Variants in ITPK1 observed in about 807,000 individuals in gnomAD.
ITPK1 encodes inositol 1,3,4-trisphosphate 5/6-kinase.
Under a neutral mutation model 45.3 loss-of-function variants are expected in ITPK1, and 21 were observed. The ratio of observed to expected loss-of-function variants is 0.46; its 90% confidence interval spans 0.33 to 0.67. ITPK1 has a LOEUF of 0.67. ITPK1 is among the 30% of genes least tolerant of loss of function. The probability of loss-of-function intolerance (pLI) is 0.02; values close to 1 mark genes in which losing one functional copy is unlikely to be tolerated. For synonymous variants in ITPK1, 258 were observed against 253.6 expected (o/e 1.02, Z -0.16); for missense variants, 474 against 573.5 (o/e 0.83, Z 1.77).
intron 5 of ITPK1, among the ~76,000 whole-genome samples, chr14:92,985,402 G>T (rs1437458604): frequency 6.6e-6 from 1 of 151,792 alleles, no homozygotes; most frequent in Admixed American, 6.6e-5. Flanking sequence ...CTGTGCAAAG[G>T]GTATATGGGA....
intron 2 of ITPK1, among the ~76,000 whole-genome samples, chr14:93,092,606 G>C (rs985539746): frequency 6.6e-6 from 1 of 152,228 alleles, no homozygotes; most frequent in Non-Finnish European, 1.5e-5. Context: ...CCCACCCAGA[G>C]GACATCTGGA....
intron 3 of ITPK1, among the ~76,000 whole-genome samples, chr14:93,067,190 G>A (rs751161266): frequency 7.2e-5 from 11 of 151,878 alleles, no homozygotes; most frequent in Non-Finnish European, 5.9e-5. Context: ...TTGCTTTTAC[G>A]TAAAATGCTT....
chr14:93,046,019 G>A (rs749538672), intron 3 of ITPK1, among the ~76,000 whole-genome samples: 20 of 152,132 alleles, frequency 1.3e-4, no homozygotes, highest in Non-Finnish European at 2.4e-4. Context: ...TCTGTGAGCC[G>A]GGCCTCAAGC....
chr14:92,955,749 A>G (rs1376601335), intron 8 of ITPK1, among the ~76,000 whole-genome samples: 2 of 152,242 alleles, frequency 1.3e-5, no homozygotes, highest in Admixed American at 1.3e-4. Flanking sequence ...TCTCTATCCC[A>G]GGTCCAGAAA....
At chr14:92,981,644 A>C (rs962302748) in intron 5 of ITPK1, among the ~76,000 whole-genome samples, 1 of 151,970 alleles carries the variant, frequency 6.6e-6, no homozygotes, top group Non-Finnish European at 1.5e-5. Context: ...TCCTTTGCAT[A>C]CTTATTGAGC....
Position 92,946,482 on chromosome 14 carries a change from G to C in ITPK1, c.750C>G (p.Ile250Met). Residue 250 changes from isoleucine (I) to methionine (M), a missense_variant, in exon 10 of 11, where the codon ATC becomes ATG. Coordinates refer to ENST00000267615, the MANE Select transcript of ITPK1 (RefSeq NM_014216.6). ...SSSVLTELDK[I>M]EGVFERPSDE... is the part of the protein sequence containing the mutation. ...CGCTCGGCCGCTCGAACACGCCCTC[G>C]ATCTTGTCCAGCTGCCAACATACAC... The C allele has an allele frequency of 6.2e-7, 1 of 1,612,588 alleles. No homozygotes were observed. The highest frequency in any genetic ancestry group is 1.1e-5 in the South Asian group (1 of 91,062).
intron 5 of ITPK1, among the ~76,000 whole-genome samples, chr14:92,970,561 A>G (rs1413235778): frequency 6.6e-6 from 1 of 152,116 alleles, no homozygotes; most frequent in Non-Finnish European, 1.5e-5. Context: ...AAACTGGGGC[A>G]AGAGGGGCCC....
intron 3 of ITPK1, among the ~76,000 whole-genome samples, chr14:93,017,970 G>A (rs1888269934): frequency 6.6e-6 from 1 of 152,168 alleles, no homozygotes; most frequent in Non-Finnish European, 1.5e-5. Flanking sequence ...GCAGGAAGGC[G>A]GTGAAGTGGG....
chr14:92,966,660 GT>G (rs1450128782), intron 5 of ITPK1, among the ~76,000 whole-genome samples: 1 of 152,190 alleles, frequency 6.6e-6, no homozygotes, highest in African/African-American at 2.4e-5. Flanking sequence ...GAAAAACAAA[GT>G]TGGAGGACTC....
At chr14:93,039,730 A>C (rs956914171) in intron 3 of ITPK1, among the ~76,000 whole-genome samples, 15 of 152,250 alleles carry the variant, frequency 9.9e-5, no homozygotes, top group Non-Finnish European at 7.3e-5. Flanking sequence ...CACACCCTGC[A>C]GCAGGCCAGC....
intron 2 of ITPK1, among the ~76,000 whole-genome samples, chr14:93,092,640 G>C (rs1448680687): frequency 6.6e-6 from 1 of 152,252 alleles, no homozygotes; most frequent in Non-Finnish European, 1.5e-5. Flanking sequence ...ATTCTTGGAA[G>C]ACGAGAGTAG....
At chr14:92,962,488 G>A in intron 6 of ITPK1, 93 bp from the exon 7 acceptor site, 3 of 889,464 alleles carry the variant, frequency 3.4e-6, no homozygotes, top group South Asian at 2.7e-5. Flanking sequence ...AACTCTAGCT[G>A]AGACACAGAC....
intron 2 of ITPK1, among the ~76,000 whole-genome samples, chr14:93,111,258 G>T (rs1024996144): frequency 1.3e-5 from 2 of 152,222 alleles, no homozygotes; most frequent in African/African-American, 4.8e-5. Flanking sequence ...AGGAGGAGAG[G>T]AGGAGGCACA....
intron 5 of ITPK1, among the ~76,000 whole-genome samples, chr14:92,991,270 C>G (rs1886775025): frequency 6.6e-6 from 1 of 152,080 alleles, no homozygotes; most frequent in Non-Finnish European, 1.5e-5. Flanking sequence ...AGGGACCCAC[C>G]CAGCGATGCT....
intron 2 of ITPK1, among the ~76,000 whole-genome samples, chr14:93,110,545 T>C (rs369168226): frequency 6.6e-6 from 1 of 152,118 alleles, no homozygotes; most frequent in East Asian, 1.9e-4. Context: ...ACAGGCCCGG[T>C]GGCATGCTAC....
chr14:93,009,953 G>A (rs999978059), intron 4 of ITPK1, among the ~76,000 whole-genome samples: 2 of 152,132 alleles, frequency 1.3e-5, no homozygotes, highest in African/African-American at 4.8e-5. Flanking sequence ...TAACTTCCCC[G>A]GGCCGCAGTT....
chr14:92,940,825 G>T lies in ITPK1; in HGVS notation c.*736C>A, dbSNP rs1463414136. On this transcript the variant is annotated 3_prime_UTR_variant, in exon 11 of 11. Coordinates refer to ENST00000267615, the MANE Select transcript of ITPK1 (RefSeq NM_014216.6). ...TCCAGCCAGGCAGCCTCCTTCCCGG[G>T]CTCCAGGGAGCAGCAGTGCTGGCTT... 5.4e-6 allele frequency: 7 copies of T among 1,286,918 alleles called. No individual in the cohort carries two copies. The highest frequency in any genetic ancestry group is 7.1e-6 in the Non-Finnish European group (7 of 987,686). 79.7% of individuals were successfully genotyped at this position (1,286,918 alleles called of 1,614,324 possible). A position where few individuals can be genotyped will look rare whatever the true frequency, so the allele number is the denominator to read the frequency against.
intron 2 of ITPK1, among the ~76,000 whole-genome samples, chr14:93,093,517 G>A (rs1891947299): frequency 6.6e-6 from 1 of 152,050 alleles, no homozygotes; most frequent in Non-Finnish European, 1.5e-5. Flanking sequence ...CCTCAGCCCT[G>A]CGCTGAGGTC....
chr14:93,038,930 C>T (rs1889436244), intron 3 of ITPK1, among the ~76,000 whole-genome samples: 1 of 152,242 alleles, frequency 6.6e-6, no homozygotes, highest in Non-Finnish European at 1.5e-5. Context: ...ATTTCCTGGA[C>T]ATGCCAGAAA....
Sources: allele counts gnomAD v4.1 joint callset (sites outside exome capture counted in the v4.1 genomes callset), GRCh38; gene constraint gnomAD v4.1.1; transcripts MANE v1.5; gene names NCBI Gene and HGNC (gene_info 2026-07-23, HGNC 2026-07-21).